Variants in PRELID2 observed in about 807,000 individuals in gnomAD.
The protein encoded by PRELID2 is PRELI domain containing 2, also known as PRELI domain-containing protein 2.
Under a neutral mutation model 28.4 loss-of-function variants are expected in PRELID2, and 25 were observed. The observed-to-expected ratio is 0.88, with a 90% CI of 0.64 to 1.23. The LOEUF (loss-of-function observed/expected upper bound fraction) is 1.23. Among genes scored for constraint, PRELID2 ranks in the 50% most tolerant of loss-of-function variants. PRELID2 has a pLI of 0.00. For missense variants in PRELID2, 201 were observed against 214.4 expected (o/e 0.94, Z 0.39); for synonymous variants, 76 against 71.6 (o/e 1.06, Z -0.31).
At chr5:145,647,974 T>C (rs1754226138) in intron 1 of PRELID2, among the ~76,000 whole-genome samples, 1 of 152,240 alleles carries the variant, frequency 6.6e-6, no homozygotes, top group African/African-American at 2.4e-5. Context: ...ACCAGAGCTG[T>C]TCCTATTTGG....
the PRELID2 span, among the ~76,000 whole-genome samples, chr5:145,422,010 C>A: frequency 1.3e-5 from 2 of 149,516 alleles, no homozygotes; most frequent in Admixed American, 1.3e-4. Flanking sequence ...CATTCAGGAG[C>A]AGGTTGTTCA....
chr5:145,794,068 A>G (rs1457628413), intron 5 of PRELID2, among the ~76,000 whole-genome samples: 2 of 152,138 alleles, frequency 1.3e-5, no homozygotes, highest in Non-Finnish European at 2.9e-5. Flanking sequence ...GAAATAAGCT[A>G]TTTTATTATT....
chr5:145,344,439 A>T, the PRELID2 span, among the ~76,000 whole-genome samples: 1 of 152,076 alleles, frequency 6.6e-6, no homozygotes, highest in South Asian at 2.1e-4. Flanking sequence ...AGATTCTAAT[A>T]TTATATATCA....
the PRELID2 span, among the ~76,000 whole-genome samples, chr5:145,425,961 C>T: frequency 5.9e-5 from 9 of 152,076 alleles, no homozygotes; most frequent in South Asian, 1.9e-3. Context: ...GCCTGGGAGC[C>T]CCCTCATCAT....
At chr5:145,284,399 T>G in the PRELID2 span, among the ~76,000 whole-genome samples, 22 of 152,316 alleles carry the variant, frequency 1.4e-4, no homozygotes, top group African/African-American at 5.1e-4. Context: ...GAAAGATTTT[T>G]TGCCGTGACT....
At chr5:145,722,743 G>A (rs1023022633) in intron 1 of PRELID2, among the ~76,000 whole-genome samples, 9 of 151,840 alleles carry the variant, frequency 5.9e-5, no homozygotes, top group South Asian at 2.1e-4. Flanking sequence ...AAGCTGATCC[G>A]CCCACCTCGG....
intron 1 of PRELID2, among the ~76,000 whole-genome samples, chr5:145,645,429 T>C (rs1754181675): frequency 6.6e-6 from 1 of 150,944 alleles, no homozygotes; most frequent in South Asian, 2.1e-4. Context: ...CCTACTTGTG[T>C]CTTTGTACAT....
intron 1 of PRELID2, among the ~76,000 whole-genome samples, chr5:145,610,961 AATATATTTCTTT>A (rs1382892830): frequency 3.4e-5 from 5 of 148,754 alleles, no homozygotes; most frequent in Non-Finnish European, 7.4e-5. Flanking sequence ...AAAATAAAGA[AATATATTTCTTT>A]ATATATTTAT....
At chr5:145,327,079 C>G in the PRELID2 span, among the ~76,000 whole-genome samples, 11 of 152,080 alleles carry the variant, frequency 7.2e-5, no homozygotes, top group Non-Finnish European at 1.6e-4. Context: ...GTAAAAATCA[C>G]AGTACTATTC....
intron 4 of PRELID2, among the ~76,000 whole-genome samples, chr5:145,810,335 T>C (rs1366360143): frequency 2.0e-5 from 3 of 152,186 alleles, no homozygotes; most frequent in Non-Finnish European, 4.4e-5. Flanking sequence ...CAGAGGACCC[T>C]ATGTGATGCC....
chr5:145,234,076 G>T, the PRELID2 span, among the ~76,000 whole-genome samples: 1 of 152,128 alleles, frequency 6.6e-6, no homozygotes, highest in Admixed American at 6.6e-5. Flanking sequence ...TTTGTTGTCA[G>T]TAGTGGAAGG....
At chr5:145,739,033 T>A (rs1049604213) in intron 1 of PRELID2, among the ~76,000 whole-genome samples, 12 of 152,054 alleles carry the variant, frequency 7.9e-5, no homozygotes, top group Non-Finnish European at 1.6e-4. Flanking sequence ...TTTCAAGTGC[T>A]GAAAGAAAAG....
intron 1 of PRELID2, among the ~76,000 whole-genome samples, chr5:145,546,399 G>T (rs1752788908): frequency 6.6e-6 from 1 of 152,134 alleles, no homozygotes; most frequent in African/African-American, 2.4e-5. Flanking sequence ...AACAAGATTT[G>T]GAGGAAGGAC....
At chr5:145,629,090 C>T (rs190643926) in intron 1 of PRELID2, among the ~76,000 whole-genome samples, 7 of 152,274 alleles carry the variant, frequency 4.6e-5, no homozygotes, top group African/African-American at 1.7e-4. Context: ...ACTAAGTCAG[C>T]CCAGCTTTGA....
At chr5:145,646,131 C>T (rs1186096585) in intron 1 of PRELID2, among the ~76,000 whole-genome samples, 1 of 152,172 alleles carries the variant, frequency 6.6e-6, no homozygotes, top group Admixed American at 6.5e-5. Flanking sequence ...GAGCATTTTC[C>T]AACTTGGTTC....
At chr5:145,420,303 A>G in the PRELID2 span, among the ~76,000 whole-genome samples, 1 of 152,074 alleles carries the variant, frequency 6.6e-6, no homozygotes, top group Non-Finnish European at 1.5e-5. Flanking sequence ...ATGGCATTGA[A>G]TCTGTAAATT....
intron 1 of PRELID2, among the ~76,000 whole-genome samples, chr5:145,737,011 G>A (rs929984197): frequency 2.6e-5 from 4 of 152,016 alleles, no homozygotes; most frequent in African/African-American, 7.2e-5. Flanking sequence ...AGAGGGTGGT[G>A]AAGAAAAAGA....
At chr5:145,362,070 G>T in the PRELID2 span, among the ~76,000 whole-genome samples, 2 of 152,144 alleles carry the variant, frequency 1.3e-5, no homozygotes, top group Non-Finnish European at 2.9e-5. Flanking sequence ...CATTTTACAA[G>T]CATAAGGTCC....
At chr5:145,697,507 C>T (rs77400916) in intron 1 of PRELID2, among the ~76,000 whole-genome samples, 1 of 152,042 alleles carries the variant, frequency 6.6e-6, no homozygotes, top group Non-Finnish European at 1.5e-5. Context: ...GTTCAGTTGC[C>T]ACAAGCCAAC....
Sources: gnomAD v4.1 joint callset for allele counts (sites outside exome capture counted in the v4.1 genomes callset) on GRCh38, gnomAD v4.1.1 for gene constraint, MANE v1.5 for transcripts, NCBI Gene and HGNC (gene_info 2026-07-23, HGNC 2026-07-21) for gene names.